The following USP25 variants were observed in gnomAD, a reference collection of about 807,000 sequenced individuals.
USP25 encodes ubiquitin carboxyl-terminal hydrolase 25.
Under a neutral mutation model 158.5 loss-of-function variants are expected in USP25, and 85 were observed. The observed-to-expected ratio is 0.54, with a 90% CI of 0.45 to 0.64. The LOEUF (loss-of-function observed/expected upper bound fraction) is 0.64. USP25 is among the 30% of genes least tolerant of loss of function. USP25 has a pLI of 0.00. For missense variants in USP25, 1,242 were observed against 1,327.3 expected, an observed-to-expected ratio of 0.94 and a Z score of 1.00; for synonymous variants, 464 against 460.4, an observed-to-expected ratio of 1.01 and a Z score of -0.10.
chr21:15,784,244 C>T (rs2035146127), intron 4 of USP25, among the ~76,000 whole-genome samples: 1 of 152,180 alleles, frequency 6.6e-6, no homozygotes, highest in South Asian at 2.1e-4. Context: ...TCAGAAATAT[C>T]AACAGCTACA....
In USP25 at chr21:15,842,623, A is replaced by C. The variant is rs368949377; in HGVS notation, c.2337+83A>C. On this transcript the variant is annotated intron_variant, in intron 18 of 25. Transcript: ENST00000400183. ...TATAGTGGAGAGGGACCTGTCAGGG[A>C]GTCAGGAGAGACGGGGCCCAGTGAT... The C allele has an allele frequency of 5.9e-6, 9 of 1,522,454 alleles. No homozygotes were observed. The East Asian group carries it at 2.0e-4, about 34-fold the overall frequency. 94.3% of individuals were successfully genotyped at this position (1,522,454 alleles called of 1,614,324 possible).
chr21:15,820,351 T>G (rs1407091479), intron 10 of USP25, among the ~76,000 whole-genome samples: 2 of 152,044 alleles, frequency 1.3e-5, no homozygotes, highest in Non-Finnish European at 2.9e-5. Context: ...AATTTTATTG[T>G]TTATTTAAAA....
chr21:15,781,689 G>A (rs893227230), intron 4 of USP25, among the ~76,000 whole-genome samples: 1 of 152,122 alleles, frequency 6.6e-6, no homozygotes, highest in African/African-American at 2.4e-5. Context: ...TCTCCCCTGC[G>A]AGGATTGAAT....
intron 3 of USP25, among the ~76,000 whole-genome samples, chr21:15,771,370 G>A (rs1481109609): frequency 6.6e-6 from 1 of 152,078 alleles, no homozygotes; most frequent in Non-Finnish European, 1.5e-5. Flanking sequence ...TGTGCTTGTG[G>A]GCTGGGCATA....
chr21:15,737,655 G>A (rs111999537), intron 1 of USP25, among the ~76,000 whole-genome samples: 2,734 of 151,752 alleles, frequency 0.018, 43 homozygotes, highest in Non-Finnish European at 0.028. Context: ...GAAGGTAGTC[G>A]TCTGTATTTT....
rs1396911526 is a variant in USP25 at position 15,878,655 on chromosome 21, G to A, written c.*180G>A. The A allele has an allele frequency of 1.8e-5, 9 of 511,310 alleles. No homozygotes were observed. Among genetic ancestry groups the A allele is most frequent in the South Asian group, 6.2e-5 (1 of 16,168 alleles). The allele number at this position is 511,310 out of a possible 1,614,324, so 31.7% of individuals were successfully genotyped here. A position where few individuals can be genotyped will look rare whatever the true frequency, so the allele number is the denominator to read the frequency against. ...ACTGCAGACAATAAAGCTGAAAATC[G>A]CATGGCGCTCAGACATTTTAACCGG... On this transcript the variant is annotated 3_prime_UTR_variant, in exon 26 of 26. Transcript: ENST00000400183.
chr21:15,856,106 A>T (rs2039124742), intron 20 of USP25, among the ~76,000 whole-genome samples: 1 of 152,214 alleles, frequency 6.6e-6, no homozygotes, highest in Admixed American at 6.5e-5. Context: ...AAATCCAGGG[A>T]TGTAGCTGGG....
chr21:15,787,447 A>T (rs887007314), intron 4 of USP25, among the ~76,000 whole-genome samples: 2 of 152,146 alleles, frequency 1.3e-5, no homozygotes, highest in Non-Finnish European at 2.9e-5. Flanking sequence ...AAATGGACAC[A>T]CCTACAGCCA....
intron 14 of USP25, among the ~76,000 whole-genome samples, 169 bp from the exon 15 acceptor site, chr21:15,830,362 A>G (rs2037736256): frequency 6.6e-6 from 1 of 152,124 alleles, no homozygotes; most frequent in African/African-American, 2.4e-5. Context: ...TTTTATTAAG[A>G]ATAACTATAA....
At chr21:15,786,892 C>G (rs2035305922) in intron 4 of USP25, among the ~76,000 whole-genome samples, 1 of 151,994 alleles carries the variant, frequency 6.6e-6, no homozygotes, top group Non-Finnish European at 1.5e-5. Context: ...CAAAAAACTG[C>G]TACAACTCAT....
intron 1 of USP25, among the ~76,000 whole-genome samples, chr21:15,760,091 T>A (rs939516811): frequency 1.3e-5 from 2 of 152,254 alleles, no homozygotes; most frequent in African/African-American, 4.8e-5. Flanking sequence ...CATTCTTTTC[T>A]TTTTGATAGC....
chr21:15,872,687 G>A (rs79486609), intron 23 of USP25, among the ~76,000 whole-genome samples: 1,806 of 152,090 alleles, frequency 0.012, 19 homozygotes, highest in African/African-American at 0.034. Flanking sequence ...CTAGAAAGCC[G>A]TTTTCAAAAA....
chr21:15,734,634 T>C (rs968266262), intron 1 of USP25, among the ~76,000 whole-genome samples: 3 of 151,710 alleles, frequency 2.0e-5, no homozygotes, highest in Admixed American at 6.5e-5. Context: ...AAATACTTAA[T>C]ATTCTGACCT....
intron 20 of USP25, among the ~76,000 whole-genome samples, chr21:15,859,274 G>T (rs1601154598): frequency 1.3e-5 from 2 of 151,306 alleles, no homozygotes; most frequent in African/African-American, 4.8e-5. Flanking sequence ...CTCACTGCAG[G>T]CTCCGCCTCC....
chr21:15,861,620 A>T (rs549333294), intron 20 of USP25, among the ~76,000 whole-genome samples: 1 of 152,288 alleles, frequency 6.6e-6, no homozygotes. Context: ...AATTTGAATA[A>T]ATATGATTCC....
chr21:15,845,773 C>T (rs1161443202), intron 18 of USP25, among the ~76,000 whole-genome samples: 1 of 152,124 alleles, frequency 6.6e-6, no homozygotes, highest in African/African-American at 2.4e-5. Flanking sequence ...GTTTATATTT[C>T]ACTCTTGTGT....
intron 20 of USP25, among the ~76,000 whole-genome samples, chr21:15,859,991 A>ATATATATATATATATTT (rs1315516466): frequency 2.3e-5 from 3 of 131,138 alleles, no homozygotes; most frequent in African/African-American, 8.6e-5. Context: ...ATATATCTAT[A>ATATATATATATATATTT]TTTTTTTTTT....
intron 1 of USP25, among the ~76,000 whole-genome samples, chr21:15,734,058 A>G (rs768449404): frequency 3.3e-4 from 50 of 152,186 alleles, no homozygotes; most frequent in Non-Finnish European, 6.6e-4. Flanking sequence ...AACTTTAGCA[A>G]CTTCTTTAGA....
chr21:15,782,263 G>A (rs1436675813), intron 4 of USP25, among the ~76,000 whole-genome samples: 1 of 152,200 alleles, frequency 6.6e-6, no homozygotes, highest in Middle Eastern at 3.2e-3. Flanking sequence ...GGGCCTGTGT[G>A]AACTTGCTCC....
Sources: gnomAD v4.1 joint callset for allele counts (sites outside exome capture counted in the v4.1 genomes callset) on GRCh38, gnomAD v4.1.1 for gene constraint, MANE v1.5 for transcripts, NCBI Gene and HGNC (gene_info 2026-07-23, HGNC 2026-07-21) for gene names.